Variants in SMARCC1 observed in about 807,000 individuals in gnomAD.
SMARCC1 encodes the protein SWI/SNF related BAF chromatin remodeling complex subunit C1.
SMARCC1 carries 43 observed loss-of-function variants against 147.4 expected under a neutral mutation model. The ratio of observed to expected loss-of-function variants is 0.29; its 90% CI spans 0.23 to 0.38. The LOEUF (loss-of-function observed/expected upper bound fraction) is 0.38, where lower values mean the gene tolerates loss of function less well. Among genes scored for constraint, SMARCC1 ranks in the 10% least tolerant of loss-of-function variants. The probability of loss-of-function intolerance (pLI) is 1.00; values close to 1 mark genes in which losing one functional copy is unlikely to be tolerated. For synonymous variants in SMARCC1, 495 were observed against 484.4 expected (o/e 1.02, Z -0.29); for missense variants, 1,119 against 1,381.1 (o/e 0.81, Z 3.01).
intron 19 of SMARCC1, chr3:47,664,083 GA>G: frequency 2.4e-6 from 1 of 424,194 alleles, no homozygotes; most frequent in Non-Finnish European, 4.1e-6. Flanking sequence ...AACTGTAACT[GA>G]AAGTTTTTTC....
intron 26 of SMARCC1, among the ~76,000 whole-genome samples, chr3:47,602,857 T>A (rs927025774): frequency 6.6e-6 from 1 of 152,166 alleles, no homozygotes; most frequent in Non-Finnish European, 1.5e-5. Flanking sequence ...TTATTACAAA[T>A]GCCTAGGACG....
chr3:47,778,367 G>A (rs934918807), intron 1 of SMARCC1, among the ~76,000 whole-genome samples: 1 of 151,594 alleles, frequency 6.6e-6, no homozygotes, highest in African/African-American at 2.4e-5. Context: ...GGAGTGCAAT[G>A]GTGCCAACAC....
intron 6 of SMARCC1, among the ~76,000 whole-genome samples, chr3:47,724,986 C>T (rs554332777): frequency 2.8e-4 from 39 of 137,546 alleles, no homozygotes; most frequent in African/African-American, 8.3e-4. Flanking sequence ...GAGCCACGAT[C>T]GCACCACTGC....
chr3:47,684,790 T>A (rs1457046307), intron 14 of SMARCC1, among the ~76,000 whole-genome samples: 1 of 152,156 alleles, frequency 6.6e-6, no homozygotes, highest in East Asian at 1.9e-4. Flanking sequence ...GTGGAGTTTG[T>A]GTTCCAAGAC....
chr3:47,757,497 C>G (rs953712349), intron 2 of SMARCC1, among the ~76,000 whole-genome samples: 6 of 152,040 alleles, frequency 3.9e-5, no homozygotes, highest in Admixed American at 1.3e-4. Context: ...GAACGCTCAG[C>G]CAGGTGTGGT....
chr3:47,723,072 G>C (rs1401568480), intron 6 of SMARCC1, among the ~76,000 whole-genome samples: 4 of 152,162 alleles, frequency 2.6e-5, no homozygotes, highest in South Asian at 2.1e-4. Flanking sequence ...GTGAGAGTTA[G>C]ATAAGGAGAC....
At chr3:47,745,531 G>C (rs2034555376) in intron 3 of SMARCC1, among the ~76,000 whole-genome samples, 1 of 152,002 alleles carries the variant, frequency 6.6e-6, no homozygotes, top group Admixed American at 6.6e-5. Context: ...TGACCAACAT[G>C]ACAAAACCCT....
intron 26 of SMARCC1, among the ~76,000 whole-genome samples, chr3:47,605,399 G>A (rs545593560): frequency 1.1e-4 from 17 of 152,224 alleles, no homozygotes; most frequent in Non-Finnish European, 1.8e-4. Flanking sequence ...ACAGAACACT[G>A]TATAGCAAAC....
intron 18 of SMARCC1, among the ~76,000 whole-genome samples, chr3:47,672,939 T>C (rs2033519716): frequency 6.6e-6 from 1 of 151,968 alleles, no homozygotes. Flanking sequence ...CCACCATGTC[T>C]GGCTAGTTTC....
At position 47,728,983 on chromosome 3, in the gene SMARCC1, T is replaced by G. The variant is rs2034335029; in HGVS notation, c.646+42A>C. On this transcript the variant is annotated intron_variant, in intron 6 of 27. Coordinates refer to ENST00000254480, the MANE Select transcript of SMARCC1 (RefSeq NM_003074.4). The stretch of plus-strand genomic sequence containing the variant: ...GGTATGACATAAAATCCATTTGGTA[T>G]GATGTATGAGCTCATCTGTTCACAA... 3 of 1,217,556 alleles carry G rather than the reference T, an allele frequency of 2.5e-6. No homozygotes were observed. In the Admixed American group the frequency reaches 5.8e-5, roughly 24 times the overall value. 75.4% of individuals were successfully genotyped at this position (1,217,556 alleles called of 1,614,324 possible). A position where few individuals can be genotyped will look rare whatever the true frequency, so the allele number is the denominator to read the frequency against.
In SMARCC1 at chr3:47,755,759, G is replaced by A. The variant is rs1177534; in HGVS notation, c.316-9766C>T. Among the ~76,000 whole-genome samples, 58 of 151,040 alleles carry A rather than the reference G, an allele frequency of 3.8e-4. No homozygotes were observed. The Middle Eastern group carries it at 0.017, about 46-fold the overall frequency. ...TGTAATCCCAGCACTTTGGGAGGCC[G>A]AGGCGGGCCGATCACAAGGTCAGGA... On this transcript the variant is annotated intron_variant, in intron 2 of 27. Transcript: ENST00000254480.
intron 14 of SMARCC1, among the ~76,000 whole-genome samples, chr3:47,684,239 CA>C (rs759227252): frequency 0.014 from 708 of 49,554 alleles, 5 homozygotes; most frequent in African/African-American, 0.041. Context: ...GACTCCGTCT[CA>C]AAAAAAAAAA....
intron 21 of SMARCC1, among the ~76,000 whole-genome samples, chr3:47,652,138 T>A (rs985459486): frequency 5.3e-5 from 8 of 152,186 alleles, no homozygotes; most frequent in Non-Finnish European, 7.3e-5. Context: ...CTCAGCTAAT[T>A]TTTTTATTTT....
Position 47,610,491 on chromosome 3 carries a change from T to C in SMARCC1, c.2782-164A>G, listed in dbSNP as rs1378816553. 4.3e-6 allele frequency: 3 copies of C among 690,040 alleles called. No individual in the cohort carries two copies. The African/African-American group carries it at 5.3e-5, about 12-fold the overall frequency. The allele number at this position is 690,040 out of a possible 1,614,324, so 42.7% of individuals were successfully genotyped here. ...ACAGTGAGAACAAAGGCATTATTTCTTGAGTAGCATATTTCCATTTGGACA... is the reference window on the plus strand; with the variant it reads ...ACAGTGAGAACAAAGGCATTATTTCCTGAGTAGCATATTTCCATTTGGACA... On this transcript the variant is annotated intron_variant, in intron 25 of 27. Coordinates refer to ENST00000254480, the MANE Select transcript of SMARCC1 (RefSeq NM_003074.4).
chr3:47,723,297 TTAATA>T (rs1488079378), intron 6 of SMARCC1, among the ~76,000 whole-genome samples: 4 of 151,548 alleles, frequency 2.6e-5, no homozygotes, highest in African/African-American at 7.3e-5. Context: ...TATCATACAG[TTAATA>T]TAATAATTGA....
rs537524467 is a variant in SMARCC1, at chr3:47,679,362, G to A, written c.1458-1051C>T. ...CCAGGGAAAGACAAAAAGTACTTCC[G>A]GCCAAACTTCTTCCTTCCAATAAGA... On this transcript the variant is annotated intron_variant, in intron 15 of 27. Coordinates refer to ENST00000254480, the MANE Select transcript of SMARCC1 (RefSeq NM_003074.4). 3.9e-5 allele frequency among the ~76,000 whole-genome samples: 6 copies of A among 152,150 alleles called. No homozygotes were observed. In the South Asian group the frequency reaches 8.3e-4, roughly 21 times the overall value.
intron 21 of SMARCC1, among the ~76,000 whole-genome samples, chr3:47,659,808 A>G (rs1185426761): frequency 6.6e-6 from 1 of 151,522 alleles, no homozygotes; most frequent in African/African-American, 2.4e-5. Flanking sequence ...GGCAGACATA[A>G]AAATGGCCAA....
At chr3:47,747,020 G>A (rs1347393734) in intron 2 of SMARCC1, among the ~76,000 whole-genome samples, 1 of 151,948 alleles carries the variant, frequency 6.6e-6, no homozygotes, top group Non-Finnish European at 1.5e-5. Flanking sequence ...ATGAGCCATC[G>A]TGCCTGGCTA....
Sources: gnomAD v4.1 joint callset for allele counts (sites outside exome capture counted in the v4.1 genomes callset) on GRCh38, gnomAD v4.1.1 for gene constraint, MANE v1.5 for transcripts, NCBI Gene and HGNC (gene_info 2026-07-23, HGNC 2026-07-21) for gene names.